Variants in CPXM2 observed in about 807,000 individuals in gnomAD.
CPXM2 encodes the protein carboxypeptidase X, M14 family member 2, also known as inactive carboxypeptidase-like protein X2.
CPXM2 carries 66 observed loss-of-function variants against 86.1 expected under a neutral mutation model. The ratio of observed to expected loss-of-function variants is 0.77; its 90% CI spans 0.63 to 0.94. The LOEUF (loss-of-function observed/expected upper bound fraction) is 0.94, where lower values mean the gene tolerates loss of function less well. Among genes scored for constraint, CPXM2 ranks in the 40% least tolerant of loss-of-function variants. The pLI, the probability that CPXM2 is intolerant of heterozygous loss-of-function variation, is 0.00. For missense variants in CPXM2, 948 were observed against 1,026.3 expected (o/e 0.92, Z 1.04); for synonymous variants, 388 against 400.2 (o/e 0.97, Z 0.36).
intron 6 of CPXM2, among the ~76,000 whole-genome samples, chr10:123,790,741 T>C (rs1847187763): frequency 6.6e-6 from 1 of 152,058 alleles, no homozygotes; most frequent in Non-Finnish European, 1.5e-5. Context: ...GGGCAGCAAG[T>C]GTGTCTATCT....
intron 2 of CPXM2, among the ~76,000 whole-genome samples, chr10:123,916,538 C>T (rs1179485954): frequency 6.6e-6 from 1 of 152,180 alleles, no homozygotes; most frequent in Non-Finnish European, 1.5e-5. Context: ...ATTAAGCCCA[C>T]TCCTTTGAGT....
At chr10:123,930,584 T>G (rs1442938928) in intron 2 of CPXM2, among the ~76,000 whole-genome samples, 1 of 152,162 alleles carries the variant, frequency 6.6e-6, no homozygotes, top group Non-Finnish European at 1.5e-5. Flanking sequence ...GACCTCCAAG[T>G]GCATACAACC....
chr10:123,796,031 GCCAGAGC>G (rs961178327), intron 6 of CPXM2, among the ~76,000 whole-genome samples: 5 of 152,116 alleles, frequency 3.3e-5, no homozygotes, highest in African/African-American at 1.2e-4. Flanking sequence ...CATCAAGAGG[GCCAGAGC>G]CCATAAATGC....
At chr10:123,830,995 CTG>C (rs1564788916) in intron 4 of CPXM2, among the ~76,000 whole-genome samples, 1 of 152,010 alleles carries the variant, frequency 6.6e-6, no homozygotes, top group Non-Finnish European at 1.5e-5. Context: ...ATGTGGGACA[CTG>C]TGTGAACTGT....
intron 3 of CPXM2, among the ~76,000 whole-genome samples, chr10:123,854,517 G>A (rs1297811403): frequency 6.8e-6 from 1 of 146,954 alleles, no homozygotes; most frequent in South Asian, 2.1e-4. Flanking sequence ...CAGGGGCTAA[G>A]TGACCTGCCC....
chr10:123,812,227 A>G (rs7909601), intron 4 of CPXM2, among the ~76,000 whole-genome samples: 85,425 of 152,062 alleles, frequency 0.56, 25,868 homozygotes, highest in East Asian at 0.85. Context: ...GATAAATTGC[A>G]GTATACCTGC....
chr10:123,841,025 T>C (rs1358435669), intron 4 of CPXM2, among the ~76,000 whole-genome samples: 1 of 152,170 alleles, frequency 6.6e-6, no homozygotes, highest in Non-Finnish European at 1.5e-5. Context: ...ATGGGAGGGT[T>C]GGGGAGGACT....
chr10:123,785,757 C>T (rs200388775), intron 6 of CPXM2, among the ~76,000 whole-genome samples: 2 of 151,882 alleles, frequency 1.3e-5, no homozygotes, highest in African/African-American at 4.8e-5. Context: ...CTCAGCCTCC[C>T]GAGTAGCTGG....
chr10:123,774,836 A>G (rs766137955), intron 7 of CPXM2, among the ~76,000 whole-genome samples: 1 of 152,248 alleles, frequency 6.6e-6, no homozygotes, highest in Non-Finnish European at 1.5e-5. Context: ...AGCCATCACC[A>G]TGAAGACAGA....
intron 4 of CPXM2, among the ~76,000 whole-genome samples, chr10:123,817,720 G>T (rs112569759): frequency 6.6e-6 from 1 of 152,180 alleles, no homozygotes; most frequent in Admixed American, 6.5e-5. Flanking sequence ...AGACTGCATC[G>T]ATAGCCTCAT....
At chr10:123,776,760 G>T (rs1846800605) in intron 7 of CPXM2, 1 of 152,184 alleles carries the variant, frequency 6.6e-6, no homozygotes, top group Non-Finnish European at 1.5e-5. Flanking sequence ...TGTGAATACA[G>T]AAGTTCAAAC....
chr10:123,901,183 A>C (rs1471863097), intron 2 of CPXM2, among the ~76,000 whole-genome samples: 1 of 152,214 alleles, frequency 6.6e-6, no homozygotes, highest in Non-Finnish European at 1.5e-5. Flanking sequence ...AATACTGAAC[A>C]TACATCAAAG....
intron 2 of CPXM2, among the ~76,000 whole-genome samples, chr10:123,933,905 C>T (rs1945691141): frequency 6.6e-6 from 1 of 152,040 alleles, no homozygotes; most frequent in Admixed American, 6.6e-5. Context: ...TATGTCTTCC[C>T]AAATACCTCT....
At chr10:123,786,986 AACAGCC>A (rs1381927929) in intron 6 of CPXM2, among the ~76,000 whole-genome samples, 1 of 152,130 alleles carries the variant, frequency 6.6e-6, no homozygotes, top group African/African-American at 2.4e-5. Context: ...CTTTGAAAAA[AACAGCC>A]ACAGATGCTT....
chr10:123,828,669 A>C (rs1328776100), intron 4 of CPXM2, among the ~76,000 whole-genome samples: 2 of 152,246 alleles, frequency 1.3e-5, no homozygotes, highest in African/African-American at 4.8e-5. Context: ...CATGAAAACA[A>C]ACTAATACAC....
At chr10:123,912,053 A>G (rs533022308) in intron 2 of CPXM2, among the ~76,000 whole-genome samples, 1 of 152,204 alleles carries the variant, frequency 6.6e-6, no homozygotes, top group South Asian at 2.1e-4. Context: ...AACCACGTGC[A>G]CAGCTAGACC....
intron 2 of CPXM2, among the ~76,000 whole-genome samples, chr10:123,929,346 T>G (rs979157803): frequency 1.3e-5 from 2 of 151,978 alleles, no homozygotes; most frequent in Non-Finnish European, 2.9e-5. Context: ...TCCCCTGGAG[T>G]GAATGAGGCT....
intron 6 of CPXM2, among the ~76,000 whole-genome samples, chr10:123,788,878 G>GA (rs11461379): frequency 0.76 from 105,783 of 138,536 alleles, 40,815 homozygotes; most frequent in East Asian, 0.94. Context: ...CACCTTGATT[G>GA]AAAAAAAAAA....
intron 2 of CPXM2, among the ~76,000 whole-genome samples, chr10:123,879,033 T>C (rs1199227394): frequency 6.6e-6 from 1 of 152,210 alleles, no homozygotes; most frequent in African/African-American, 2.4e-5. Context: ...ATGAGTCCTC[T>C]CAATGGGCAA....
Sources: allele counts gnomAD v4.1 joint callset (sites outside exome capture counted in the v4.1 genomes callset), GRCh38; gene constraint gnomAD v4.1.1; transcripts MANE v1.5; gene names NCBI Gene and HGNC (gene_info 2026-07-23, HGNC 2026-07-21).